The following MTAP variants were observed in gnomAD, a reference collection of about 807,000 sequenced individuals.
MTAP encodes the protein S-methyl-5'-thioadenosine phosphorylase.
Under a neutral mutation model 33.6 loss-of-function variants are expected in MTAP, and 33 were observed. The observed-to-expected ratio is 0.98, with a 90% CI of 0.74 to 1.31. The LOEUF is 1.31. Ranked by LOEUF, MTAP falls within the 40% of genes most tolerant of loss-of-function variation. The probability of loss-of-function intolerance (pLI) is 0.00; values close to 1 mark genes in which losing one functional copy is unlikely to be tolerated. For synonymous variants in MTAP, 148 were observed against 125.7 expected, an observed-to-expected ratio of 1.18 and a Z score of -1.19; for missense variants, 367 against 360.0, an observed-to-expected ratio of 1.02 and a Z score of -0.16.
At chr9:21,847,773 G>A (rs1014448081) in intron 5 of MTAP, among the ~76,000 whole-genome samples, 2 of 152,206 alleles carry the variant, frequency 1.3e-5, no homozygotes, top group Non-Finnish European at 2.9e-5. Flanking sequence ...AGATTGTTCT[G>A]AATGAAAGAC....
chr9:21,823,824 T>G (rs1167100561), intron 4 of MTAP, among the ~76,000 whole-genome samples: 1 of 152,248 alleles, frequency 6.6e-6, no homozygotes, highest in Non-Finnish European at 1.5e-5. Context: ...TTTACTCTTT[T>G]TTCTCTAAAC....
At chr9:21,915,255 A>T (rs1020189110) in intron 1 of MTAP, among the ~76,000 whole-genome samples, 6 of 149,356 alleles carry the variant, frequency 4.0e-5, no homozygotes, top group African/African-American at 1.5e-4. Flanking sequence ...CGCCCGGCTA[A>T]TTTTTTTTTG....
intron 4 of MTAP, among the ~76,000 whole-genome samples, chr9:21,823,671 T>G (rs1012965750): frequency 6.6e-6 from 1 of 152,234 alleles, no homozygotes; most frequent in African/African-American, 2.4e-5. Context: ...CTTGCTAGAT[T>G]GGGGAAGTTC....
Position 21,862,140 on chromosome 9 carries a change from G to A in MTAP, c.*126G>A. 6.5e-7 allele frequency: 1 copy of A among 1,548,528 alleles called. No individual in the cohort carries two copies. Among genetic ancestry groups the A allele is most frequent in the Admixed American group, 2.1e-5 (1 of 48,476 alleles). ...CATGCCCTTGCCTATCAAAGAGTAT[G>A]TTGTAAGAAAGACAAGACATTGTGT... On this transcript the variant is annotated 3_prime_UTR_variant, in exon 8 of 8. Coordinates refer to ENST00000644715, the MANE Select transcript of MTAP (RefSeq NM_002451.4).
At chr9:21,828,411 C>T (rs1231891888) in intron 4 of MTAP, among the ~76,000 whole-genome samples, 2 of 152,102 alleles carry the variant, frequency 1.3e-5, no homozygotes, top group African/African-American at 2.4e-5. Flanking sequence ...CAGTGGCTCA[C>T]GCCTGTAATC....
intron 1 of MTAP, among the ~76,000 whole-genome samples, chr9:21,915,189 T>C (rs542156885): frequency 8.6e-5 from 13 of 151,562 alleles, no homozygotes; most frequent in Middle Eastern, 3.4e-3. Flanking sequence ...CCTGGGTTCA[T>C]GCCATTCTCC....
chr9:21,885,361 C>T (rs981933674), intron 1 of MTAP, among the ~76,000 whole-genome samples: 2 of 152,124 alleles, frequency 1.3e-5, no homozygotes, highest in Non-Finnish European at 2.9e-5. Flanking sequence ...TTACTATAAC[C>T]TAAAGGTTCT....
chr9:21,885,595 T>A (rs1818095220), intron 1 of MTAP, among the ~76,000 whole-genome samples: 1 of 151,978 alleles, frequency 6.6e-6, no homozygotes, highest in Non-Finnish European at 1.5e-5. Context: ...CCCCAGTGAG[T>A]CCCCAAAATT....
chr9:21,925,027 A>C (rs1368216370), intron 1 of MTAP, among the ~76,000 whole-genome samples: 1 of 152,178 alleles, frequency 6.6e-6, no homozygotes, highest in African/African-American at 2.4e-5. Flanking sequence ...TGCAATACAC[A>C]TGACTGACCT....
At chr9:21,825,646 T>G (rs1824775081) in intron 4 of MTAP, among the ~76,000 whole-genome samples, 1 of 152,196 alleles carries the variant, frequency 6.6e-6, no homozygotes, top group Non-Finnish European at 1.5e-5. Context: ...GAGACCAGCT[T>G]GGGCAACATA....
chr9:21,836,823 A>G (rs1825120727), intron 4 of MTAP, among the ~76,000 whole-genome samples: 1 of 152,130 alleles, frequency 6.6e-6, no homozygotes, highest in Admixed American at 6.5e-5. Context: ...AGCTAATGCC[A>G]CTGTTTAGTG....
downstream of MTAP, chr9:21,940,934 G>T (rs1022530749): frequency 1.1e-6 from 1 of 912,148 alleles, no homozygotes; most frequent in Non-Finnish European, 1.3e-6. Context: ...GTGGAAAGGG[G>T]TGCTAAAAGT....
At chr9:21,919,440 C>CA (rs370954515) in intron 1 of MTAP, among the ~76,000 whole-genome samples, 3 of 151,766 alleles carry the variant, frequency 2.0e-5, no homozygotes, top group African/African-American at 4.8e-5. Context: ...ATAAAAGGAG[C>CA]AAAAAAACAG....
intron 1 of MTAP, among the ~76,000 whole-genome samples, chr9:21,923,628 C>T (rs1049785209): frequency 6.6e-6 from 1 of 152,076 alleles, no homozygotes; most frequent in Non-Finnish European, 1.5e-5. Flanking sequence ...GGATATTACC[C>T]CAGGAGGACA....
intron 1 of MTAP, among the ~76,000 whole-genome samples, chr9:21,916,464 G>T (rs1159904926): frequency 6.6e-6 from 1 of 152,046 alleles, no homozygotes; most frequent in African/African-American, 2.4e-5. Flanking sequence ...ACAAAAATTA[G>T]CTGGGCATGG....
chr9:21,882,399 A>G (rs1233432304), intron 1 of MTAP, among the ~76,000 whole-genome samples: 1 of 152,046 alleles, frequency 6.6e-6, no homozygotes, highest in African/African-American at 2.4e-5. Flanking sequence ...GTTCACATAA[A>G]GAATAAATAA....
chr9:21,917,446 A>C (rs1818708989), intron 1 of MTAP, among the ~76,000 whole-genome samples: 1 of 152,182 alleles, frequency 6.6e-6, no homozygotes, highest in Admixed American at 6.5e-5. Flanking sequence ...AGCAAAGGAG[A>C]CTAGAAGGGA....
At chr9:21,829,427 TTTG>T (rs908327166) in intron 4 of MTAP, among the ~76,000 whole-genome samples, 10 of 148,948 alleles carry the variant, frequency 6.7e-5, no homozygotes, top group African/African-American at 2.5e-4. Flanking sequence ...GTTTTTTTTT[TTTG>T]TTTGTTTGTT....
At chr9:21,812,781 A>G (rs1587199221) in intron 1 of MTAP, among the ~76,000 whole-genome samples, 1 of 152,256 alleles carries the variant, frequency 6.6e-6, no homozygotes, top group East Asian at 1.9e-4. Flanking sequence ...CTAATAAGGT[A>G]TAATGTTATG....
Sources: gnomAD v4.1 joint callset for allele counts (sites outside exome capture counted in the v4.1 genomes callset) on GRCh38, gnomAD v4.1.1 for gene constraint, MANE v1.5 for transcripts, NCBI Gene and HGNC (gene_info 2026-07-23, HGNC 2026-07-21) for gene names.